The following EXOC6B variants were observed in gnomAD, a reference collection of about 807,000 sequenced individuals.
EXOC6B encodes the protein exocyst complex component 6B.
EXOC6B carries 54 observed loss-of-function variants against 113.5 expected under a neutral mutation model. That is an observed-to-expected ratio of 0.48 (90% CI 0.38 to 0.60). The LOEUF is 0.60. EXOC6B is among the 20% of genes least tolerant of loss of function. The pLI is 0.00. For synonymous variants in EXOC6B, 357 were observed against 339.0 expected (o/e 1.05, Z -0.58); for missense variants, 797 against 977.5 (o/e 0.82, Z 2.46).
chr2:72,184,350 A>G (rs551332569), intron 20 of EXOC6B, among the ~76,000 whole-genome samples, 163 bp from the exon 21 acceptor site: 2 of 152,346 alleles, frequency 1.3e-5, no homozygotes, highest in East Asian at 3.9e-4. Context: ...TTCAACCAAG[A>G]AAATAAGTGA....
chr2:72,443,715 T>TC (rs1404376297), intron 18 of EXOC6B, among the ~76,000 whole-genome samples: 2 of 152,062 alleles, frequency 1.3e-5, no homozygotes, highest in Admixed American at 1.3e-4. Flanking sequence ...GCAGGGGAAC[T>TC]CCCCTTTTTA....
intron 6 of EXOC6B, among the ~76,000 whole-genome samples, chr2:72,707,640 C>T (rs915983970): frequency 6.6e-6 from 1 of 151,918 alleles, no homozygotes; most frequent in Non-Finnish European, 1.5e-5. Context: ...TCTTGAACTC[C>T]TGACCTCGTG....
At chr2:72,583,067 G>C (rs1256605934) in intron 6 of EXOC6B, among the ~76,000 whole-genome samples, 2 of 152,118 alleles carry the variant, frequency 1.3e-5, no homozygotes, top group African/African-American at 4.8e-5. Context: ...ACAACAGAAG[G>C]TTTTAGCAAC....
chr2:72,185,108 C>G (rs1302310169), intron 20 of EXOC6B, among the ~76,000 whole-genome samples: 1 of 152,226 alleles, frequency 6.6e-6, no homozygotes, highest in Non-Finnish European at 1.5e-5. Context: ...GTAAAACAAA[C>G]AAATAAAAGC....
intron 8 of EXOC6B, among the ~76,000 whole-genome samples, chr2:72,538,118 C>T (rs377617529): frequency 8.6e-4 from 130 of 151,766 alleles, no homozygotes; most frequent in African/African-American, 2.9e-3. Flanking sequence ...CAACCACAGC[C>T]GGCTAATTTT....
intron 18 of EXOC6B, among the ~76,000 whole-genome samples, chr2:72,382,333 G>C (rs1231388613): frequency 6.6e-6 from 1 of 152,178 alleles, no homozygotes; most frequent in Non-Finnish European, 1.5e-5. Context: ...TCGAAGATCA[G>C]ATGGTCGTAA....
chr2:72,266,736 G>A (rs1443290203), intron 20 of EXOC6B, among the ~76,000 whole-genome samples: 19 of 152,176 alleles, frequency 1.2e-4, no homozygotes, highest in South Asian at 4.2e-4. Context: ...TTGGTGATGC[G>A]GGCTCTTTTT....
chr2:72,226,937 G>A (rs2104450688), intron 20 of EXOC6B, among the ~76,000 whole-genome samples: 1 of 152,236 alleles, frequency 6.6e-6, no homozygotes, highest in Middle Eastern at 3.4e-3. Context: ...TTAACCAGAA[G>A]CAAATTTGTT....
intron 6 of EXOC6B, among the ~76,000 whole-genome samples, chr2:72,587,811 T>G (rs1705686038): frequency 6.6e-6 from 1 of 151,618 alleles, no homozygotes; most frequent in Non-Finnish European, 1.5e-5. Flanking sequence ...TATGAAGAAT[T>G]CCTTAAATGC....
intron 6 of EXOC6B, among the ~76,000 whole-genome samples, chr2:72,700,529 T>C (rs1678244913): frequency 6.6e-6 from 1 of 152,192 alleles, no homozygotes; most frequent in African/African-American, 2.4e-5. Flanking sequence ...CAATCAGTAA[T>C]GGGGTCGAAA....
At chr2:72,292,172 A>AGTGTGT (rs58303616) in intron 20 of EXOC6B, among the ~76,000 whole-genome samples, 1,953 of 139,374 alleles carry the variant, frequency 0.014, 22 homozygotes, top group Non-Finnish European at 0.016. Context: ...TCCAGAAGTA[A>AGTGTGT]GTGTGTGTGT....
At chr2:72,823,459 G>GAAAAAAGAAA (rs1686693497) in intron 1 of EXOC6B, among the ~76,000 whole-genome samples, 1 of 70,028 alleles carries the variant, frequency 1.4e-5, no homozygotes, top group African/African-American at 8.2e-5. Context: ...AAAGTTTTAA[G>GAAAAAAGAAA]AAAAAAAAAA....
intron 19 of EXOC6B, among the ~76,000 whole-genome samples, chr2:72,371,745 A>C (rs899319058): frequency 1.3e-5 from 2 of 152,194 alleles, no homozygotes; most frequent in African/African-American, 4.8e-5. Flanking sequence ...GAGAAAAACC[A>C]AAAGCTTTTT....
At chr2:72,307,196 G>A (rs10181651) in intron 20 of EXOC6B, among the ~76,000 whole-genome samples, 21,059 of 136,390 alleles carry the variant, frequency 0.15, 1,957 homozygotes, top group African/African-American at 0.31. Context: ...TTGCTCTGTC[G>A]CCAGGCTGGA....
intron 7 of EXOC6B, among the ~76,000 whole-genome samples, chr2:72,567,441 C>T (rs1164414283): frequency 1.3e-5 from 2 of 151,894 alleles, no homozygotes; most frequent in South Asian, 2.1e-4. Context: ...AATACAAATA[C>T]AGAATGACAG....
rs1701860392 is a variant in EXOC6B at position 72,528,867 on chromosome 2, T to C, written c.916-13741A>G. Among the ~76,000 whole-genome samples the C allele has an allele frequency of 1.3e-5, 2 of 152,150 alleles. 1 individual carries two copies. The highest frequency in any genetic ancestry group is 4.1e-4 in the South Asian group (2 of 4,828). On this transcript the variant is annotated intron_variant, in intron 8 of 21. Coordinates refer to ENST00000272427, the MANE Select transcript of EXOC6B (RefSeq NM_015189.3). ...AGTATACAGAAGAACAATTGATTGATGTATGTTATCCTATATCCTGCCATC... is the reference window on the plus strand; with the variant it reads ...AGTATACAGAAGAACAATTGATTGACGTATGTTATCCTATATCCTGCCATC...
intron 1 of EXOC6B, among the ~76,000 whole-genome samples, chr2:72,769,560 C>T (rs1208400905): frequency 6.6e-6 from 1 of 152,164 alleles, no homozygotes; most frequent in East Asian, 1.9e-4. Flanking sequence ...ACCTGTAATC[C>T]CAGCACTTTG....
At chr2:72,570,430 C>T (rs1419073119) in intron 7 of EXOC6B, among the ~76,000 whole-genome samples, 1 of 152,174 alleles carries the variant, frequency 6.6e-6, no homozygotes, top group East Asian at 1.9e-4. Flanking sequence ...CAAGACATCC[C>T]AGAAGGCTTT....
intron 18 of EXOC6B, among the ~76,000 whole-genome samples, chr2:72,441,414 T>C (rs1573124917): frequency 1.3e-5 from 2 of 149,348 alleles, no homozygotes; most frequent in East Asian, 2.0e-4. Flanking sequence ...CTGAAAGAGA[T>C]AGAGAACCAA....
Sources: gnomAD v4.1 joint callset for allele counts (sites outside exome capture counted in the v4.1 genomes callset) on GRCh38, gnomAD v4.1.1 for gene constraint, MANE v1.5 for transcripts, NCBI Gene and HGNC (gene_info 2026-07-23, HGNC 2026-07-21) for gene names.